The following NEIL3 variants were observed in gnomAD, a reference collection of about 807,000 sequenced individuals.
NEIL3 encodes nei like DNA glycosylase 3, also known as endonuclease 8-like 3.
NEIL3 carries 48 observed loss-of-function variants against 57.5 expected under a neutral mutation model. The observed-to-expected ratio is 0.83, with a 90% confidence interval of 0.66 to 1.06. NEIL3 has a LOEUF of 1.06. Ranked by LOEUF, NEIL3 falls within the 50% of genes least tolerant of loss-of-function variation. The pLI is 0.00. For synonymous variants in NEIL3, 261 were observed against 253.2 expected (o/e 1.03, Z -0.29); for missense variants, 717 against 739.1 (o/e 0.97, Z 0.35).
At chr4:177,354,541 G>A (rs1003734020) in intron 8 of NEIL3, among the ~76,000 whole-genome samples, 4 of 152,082 alleles carry the variant, frequency 2.6e-5, no homozygotes, top group Non-Finnish European at 4.4e-5. Context: ...GCGAGATGGT[G>A]TTTATTTTTA....
chr4:177,362,568 T>C lies in NEIL3; in HGVS notation c.*97T>C. On this transcript the variant is annotated 3_prime_UTR_variant, in exon 10 of 10. Coordinates refer to ENST00000264596, the MANE Select transcript of NEIL3 (RefSeq NM_018248.3). Reference sequence around the variant, plus strand: ...AAAGTCATAGAATATCTATGATACATTGAAAAGTTACTGCAATATTTGAGA... The same window carrying C: ...AAAGTCATAGAATATCTATGATACACTGAAAAGTTACTGCAATATTTGAGA... 1.1e-6 allele frequency: 1 copy of C among 921,452 alleles called. No individual in the cohort carries two copies. Among genetic ancestry groups the C allele is most frequent in the Non-Finnish European group, 1.6e-6 (1 of 633,080 alleles). The allele number at this position is 921,452 out of a possible 1,614,324, so 57.1% of individuals were successfully genotyped here.
rs745738838 is a variant in NEIL3, at chr4:177,353,600, C to T, written c.1332C>T (p.Ser444=). The T allele has an allele frequency of 1.6e-5, 26 of 1,613,226 alleles. No homozygotes were observed. Among genetic ancestry groups the T allele is most frequent in the Non-Finnish European group, 1.9e-5 (23 of 1,179,544 alleles). ...KKTTNDITQP[S]SKVNISPTIS... is the part of the protein sequence containing the mutation. ...CAACAAACGATATAACTCAACCATC[C>T]AGCAAAGTAAACATATCACCTACAA... Residue 444 remains serine, a synonymous_variant, in exon 8 of 10, where the codon TCC becomes TCT. Coordinates refer to ENST00000264596, the MANE Select transcript of NEIL3 (RefSeq NM_018248.3).
At chr4:177,336,919 G>T (rs1307922414) in intron 4 of NEIL3, among the ~76,000 whole-genome samples, 1 of 152,156 alleles carries the variant, frequency 6.6e-6, no homozygotes, top group Non-Finnish European at 1.5e-5. Flanking sequence ...AGGGACCAAG[G>T]AATAAGTGAT....
intron 6 of NEIL3, chr4:177,343,500 G>A (rs1240747925): frequency 6.6e-6 from 1 of 152,456 alleles, no homozygotes; most frequent in Non-Finnish European, 1.5e-5. Context: ...GGTGGGAAGT[G>A]CGGTCATGTC....
At chr4:177,368,394 A>G in the NEIL3 span, among the ~76,000 whole-genome samples, 4 of 152,240 alleles carry the variant, frequency 2.6e-5, no homozygotes, top group African/African-American at 9.6e-5. Flanking sequence ...GGGCAAGGAA[A>G]CGAAAAAGCA....
At chr4:177,346,812 C>T (rs1735229455) in intron 6 of NEIL3, among the ~76,000 whole-genome samples, 1 of 151,962 alleles carries the variant, frequency 6.6e-6, no homozygotes, top group Non-Finnish European at 1.5e-5. Context: ...CCAGCCTGGC[C>T]AATGTGGGAA....
chr4:177,348,699 C>T (rs563359218), intron 6 of NEIL3, among the ~76,000 whole-genome samples: 61 of 151,948 alleles, frequency 4.0e-4, no homozygotes, highest in Non-Finnish European at 7.9e-4. Flanking sequence ...TTTGCATCTG[C>T]AGCAGATCCC....
downstream of NEIL3, among the ~76,000 whole-genome samples, chr4:177,365,898 T>C (rs114203200): frequency 8.4e-3 from 1,277 of 152,308 alleles, 50 homozygotes; most frequent in Admixed American, 0.061. Context: ...ATACCTATAC[T>C]ATTCAGGATA....
intron 8 of NEIL3, among the ~76,000 whole-genome samples, chr4:177,357,818 T>G (rs77630665): frequency 0.023 from 3,572 of 152,266 alleles, 143 homozygotes; most frequent in African/African-American, 0.08. Flanking sequence ...CTGAAAAGGT[T>G]TGCCAGCCCC....
chr4:177,333,639 T>C lies in NEIL3; in HGVS notation c.279-2049T>C, dbSNP rs35284792. 8.7e-3 allele frequency among the ~76,000 whole-genome samples: 1,329 copies of C among 152,324 alleles called. 18 individuals are homozygous for C. The highest frequency in any genetic ancestry group is 0.03 in the African/African-American group (1,261 of 41,576). The stretch of plus-strand genomic sequence containing the variant: ...TTCATTTCTTCACTCTGCTCCTCAC[T>C]GAAATCTTCTATAGTCTTCCTCTTT... On this transcript the variant is annotated intron_variant, in intron 2 of 9. Transcript: ENST00000264596.
chr4:177,332,479 CAG>C (rs978205503), intron 2 of NEIL3, among the ~76,000 whole-genome samples: 2 of 152,108 alleles, frequency 1.3e-5, no homozygotes, highest in African/African-American at 4.8e-5. Flanking sequence ...CCCTCAAGGA[CAG>C]ATATGACCTT....
rs761209056 is a variant in NEIL3 at position 177,339,832 on chromosome 4, G to A, written c.677G>A (p.Arg226His). Residue 226 changes from arginine (R) to histidine (H), a missense_variant, in exon 5 of 10, where the codon CGT becomes CAT. Physicochemically the swap from Arg to His is conservative, Grantham distance 29. Transcript: ENST00000264596. ...EQIHHLMKMIRDFSILFYRCR... is the reference protein window; with the variant it reads ...EQIHHLMKMIHDFSILFYRCR... ...ATCCATCACCTCATGAAAATGATACGTGATTTCAGCATTCTCTTTTACAGG... is the reference window on the plus strand; with the variant it reads ...ATCCATCACCTCATGAAAATGATACATGATTTCAGCATTCTCTTTTACAGG... 9.9e-6 allele frequency: 16 copies of A among 1,613,410 alleles called. No individual in the cohort carries two copies. The highest frequency in any genetic ancestry group is 4.4e-5 in the South Asian group (4 of 91,078).
chr4:177,369,952 C>G, the NEIL3 span, among the ~76,000 whole-genome samples: 2 of 152,126 alleles, frequency 1.3e-5, no homozygotes, highest in Admixed American at 6.5e-5. Flanking sequence ...CACAACTATT[C>G]TCCTGGAATG....
Position 177,310,082 on chromosome 4 carries a change from A to C in NEIL3, c.129A>C (p.Ala43=). The part of the protein sequence containing the change: ...RSLQGRALRL[A]ASTVVVSPQA... ...TGCAGGGCCGCGCCTTGCGGCTCGC[A>C]GCCTCCACGGTTGTGGTCTCCCCGC... The change falls in exon 1 of 10, where the codon GCA becomes GCC. Residue 43 remains alanine, a synonymous_variant. Coordinates refer to ENST00000264596, the MANE Select transcript of NEIL3 (RefSeq NM_018248.3). 6.3e-7 allele frequency: 1 copy of C among 1,596,656 alleles called. No homozygotes were observed. Among genetic ancestry groups the C allele is most frequent in the Non-Finnish European group, 8.5e-7 (1 of 1,172,908 alleles).
intron 1 of NEIL3, among the ~76,000 whole-genome samples, chr4:177,315,482 CA>C (rs750877969): frequency 2.6e-5 from 4 of 152,078 alleles, no homozygotes; most frequent in Non-Finnish European, 5.9e-5. Context: ...TTATAAGGGT[CA>C]ACATGGGAAA....
chr4:177,320,783 T>G (rs1481315239), intron 1 of NEIL3, among the ~76,000 whole-genome samples: 3 of 152,060 alleles, frequency 2.0e-5, no homozygotes, highest in African/African-American at 7.2e-5. Context: ...CATTTTTAAT[T>G]ACTCCTGTGC....
At chr4:177,336,953 G>A (rs1734990073) in intron 4 of NEIL3, among the ~76,000 whole-genome samples, 3 of 152,166 alleles carry the variant, frequency 2.0e-5, no homozygotes, top group Non-Finnish European at 4.4e-5. Flanking sequence ...AAAGCAAAAT[G>A]TAGAGCCCTT....
intron 2 of NEIL3, among the ~76,000 whole-genome samples, chr4:177,325,732 G>C (rs1734767918): frequency 6.6e-6 from 1 of 152,012 alleles, no homozygotes; most frequent in Non-Finnish European, 1.5e-5. Flanking sequence ...ATTGTCAGTT[G>C]TGTTAATTTC....
rs757653761 is a variant in NEIL3, at chr4:177,336,098, C to T, written c.414-10C>T. On this transcript the variant is annotated splice_polypyrimidine_tract_variant and intron_variant, in intron 3 of 9. Transcript: ENST00000264596. ...CTTATGATTAATGTGTTTTATATTC[C>T]TTTCTATAGAAACTCAATGGAAAGC... 1 of 1,589,046 alleles carries T rather than the reference C, an allele frequency of 6.3e-7. No individual in the cohort carries two copies. Among genetic ancestry groups the T allele is most frequent in the South Asian group, 1.1e-5 (1 of 90,232 alleles).
Sources: allele counts gnomAD v4.1 joint callset (sites outside exome capture counted in the v4.1 genomes callset), GRCh38; gene constraint gnomAD v4.1.1; transcripts MANE v1.5; gene names NCBI Gene and HGNC (gene_info 2026-07-23, HGNC 2026-07-21).